ANGPT1: variants seen among roughly 807,000 people sequenced by gnomAD.
ANGPT1 encodes angiopoietin-1.
Under a neutral mutation model 62.2 loss-of-function variants are expected in ANGPT1, and 17 were observed. The observed-to-expected ratio is 0.27, with a 90% confidence interval of 0.19 to 0.41. The LOEUF is 0.41. ANGPT1 is among the 10% of genes least tolerant of loss of function. The pLI, the probability that ANGPT1 is intolerant of heterozygous loss-of-function variation, is 1.00. For missense variants in ANGPT1, 478 were observed against 594.9 expected, an observed-to-expected ratio of 0.80 and a Z score of 2.04; for synonymous variants, 199 against 198.9, an observed-to-expected ratio of 1.00 and a Z score of 0.00.
chr8:107,262,784 A>G (rs561835525), intron 8 of ANGPT1, among the ~76,000 whole-genome samples: 5 of 152,200 alleles, frequency 3.3e-5, no homozygotes, highest in Admixed American at 6.5e-5. Flanking sequence ...TTCTCTTACA[A>G]TTTTGTTTGT....
chr8:107,467,872 G>A (rs1355640493), intron 1 of ANGPT1, among the ~76,000 whole-genome samples: 1 of 152,148 alleles, frequency 6.6e-6, no homozygotes, highest in Non-Finnish European at 1.5e-5. Context: ...AAGTGTGCTA[G>A]TACTTTAAAC....
intron 1 of ANGPT1, among the ~76,000 whole-genome samples, chr8:107,368,171 T>C (rs1816314591): frequency 1.3e-5 from 2 of 152,208 alleles, no homozygotes; most frequent in Admixed American, 6.5e-5. Context: ...GGTTACAGGA[T>C]GGATATTGTG....
chr8:107,389,969 T>C (rs1816804150), intron 1 of ANGPT1, among the ~76,000 whole-genome samples: 1 of 141,368 alleles, frequency 7.1e-6, no homozygotes, highest in Non-Finnish European at 1.5e-5. Flanking sequence ...CAGTAAGCTC[T>C]TTGAGAGCAC....
chr8:107,440,961 C>A (rs186314269), intron 1 of ANGPT1, among the ~76,000 whole-genome samples: 7 of 152,106 alleles, frequency 4.6e-5, no homozygotes, highest in African/African-American at 1.7e-4. Context: ...TTGGATAAAA[C>A]CAAAGGAAAG....
intron 7 of ANGPT1, among the ~76,000 whole-genome samples, chr8:107,271,412 G>C (rs1813731822): frequency 6.6e-6 from 1 of 152,014 alleles, no homozygotes. Context: ...ATATACAGTA[G>C]TTCAATAGGC....
chr8:107,460,161 C>T lies in ANGPT1; in HGVS notation c.297+37101G>A, dbSNP rs146070344. ...TCCAGGGGTCCTAAAAGTAGAATTG[C>T]TCAACATTTCCCAGATGTGGGGATG... On this transcript the variant is annotated intron_variant, in intron 1 of 8. Transcript: ENST00000517746. Among the ~76,000 whole-genome samples, 837 of 152,294 alleles carry T rather than the reference C, an allele frequency of 5.5e-3. 6 individuals are homozygous for T. Among genetic ancestry groups the T allele is most frequent in the African/African-American group, 0.019 (787 of 41,568 alleles).
At chr8:107,387,954 T>C (rs1485188833) in intron 1 of ANGPT1, among the ~76,000 whole-genome samples, 1 of 152,256 alleles carries the variant, frequency 6.6e-6, no homozygotes, top group East Asian at 1.9e-4. Context: ...TGGGAATCTG[T>C]TATATATTTC....
chr8:107,300,248 T>C (rs1032761282), intron 5 of ANGPT1, among the ~76,000 whole-genome samples: 2 of 150,892 alleles, frequency 1.3e-5, no homozygotes, highest in Admixed American at 6.6e-5. Flanking sequence ...ATTTTGTTAA[T>C]CAGCTTGTAA....
At chr8:107,311,492 A>G (rs1053471946) in intron 4 of ANGPT1, among the ~76,000 whole-genome samples, 1 of 152,208 alleles carries the variant, frequency 6.6e-6, no homozygotes, top group African/African-American at 2.4e-5. Flanking sequence ...CCCATGATAT[A>G]TAATTGCAGA....
At chr8:107,359,062 T>C (rs1816107364) in intron 1 of ANGPT1, among the ~76,000 whole-genome samples, 2 of 152,200 alleles carry the variant, frequency 1.3e-5, no homozygotes, top group Admixed American at 1.3e-4. Flanking sequence ...TTGCATGATT[T>C]CTTCATTCTC....
intron 3 of ANGPT1, among the ~76,000 whole-genome samples, chr8:107,335,224 A>G (rs370284665): frequency 1.1e-4 from 17 of 152,182 alleles, no homozygotes; most frequent in Admixed American, 1.1e-3. Flanking sequence ...TCACTTGTAA[A>G]GAACAGAACT....
At chr8:107,432,996 G>A (rs1811234714) in intron 1 of ANGPT1, among the ~76,000 whole-genome samples, 1 of 152,056 alleles carries the variant, frequency 6.6e-6, no homozygotes, top group African/African-American at 2.4e-5. Context: ...AAGCAATGAT[G>A]TCTTGACTTA....
intron 3 of ANGPT1, among the ~76,000 whole-genome samples, chr8:107,329,747 T>C (rs1199007818): frequency 6.6e-6 from 1 of 151,980 alleles, no homozygotes. Context: ...ATTTCCCAGT[T>C]CCTTATTCAT....
At position 107,288,431 on chromosome 8, in the gene ANGPT1, C is replaced by A. The variant is rs1030066337; in HGVS notation, c.1039-3583G>T. ...AAGAGGTAATTTTTAAGGTATTATA[C>A]CATGCTAATAAGTTAATATTTGTAA... On this transcript the variant is annotated intron_variant, in intron 6 of 8. Coordinates refer to ENST00000517746, the MANE Select transcript of ANGPT1 (RefSeq NM_001146.5). 2.6e-5 allele frequency among the ~76,000 whole-genome samples: 4 copies of A among 152,118 alleles called. No individual in the cohort carries two copies. In the East Asian group the frequency reaches 5.8e-4, roughly 22 times the overall value.
At chr8:107,485,317 G>A (rs982553839) in intron 1 of ANGPT1, among the ~76,000 whole-genome samples, 5 of 152,138 alleles carry the variant, frequency 3.3e-5, no homozygotes, top group African/African-American at 7.2e-5. Flanking sequence ...GGTTTACCTC[G>A]CCATGCAAAG....
At chr8:107,282,600 C>A (rs1814043374) in intron 7 of ANGPT1, among the ~76,000 whole-genome samples, 1 of 98,658 alleles carries the variant, frequency 1.0e-5, no homozygotes. Flanking sequence ...ATATATGAGC[C>A]TCAGCTTTCC....
At position 107,322,063 on chromosome 8, in the gene ANGPT1, T is replaced by C. The variant is rs769579405; in HGVS notation, c.641A>G (p.Glu214Gly). The change falls in exon 4 of 9, where the codon GAA becomes GGA. Residue 214 changes from glutamate (E) to glycine (G), a missense_variant. Physicochemically the swap from Glu to Gly is moderately conservative, Grantham distance 98 (BLOSUM62 -2). Coordinates refer to ENST00000517746, the MANE Select transcript of ANGPT1 (RefSeq NM_001146.5). ...CAAGCCTTGAAGGTTCTCTTTCTCT[T>C]CCTTTAAGGTGTCCAACTCTTCCTT... ...KHKEELDTLK[E>G]EKENLQGLVT... The C allele has an allele frequency of 1.2e-6, 2 of 1,613,892 alleles. No homozygotes were observed. The highest frequency in any genetic ancestry group is 1.7e-6 in the Non-Finnish European group (2 of 1,179,916).
At chr8:107,441,699 G>T (rs1811479472) in intron 1 of ANGPT1, among the ~76,000 whole-genome samples, 1 of 152,104 alleles carries the variant, frequency 6.6e-6, no homozygotes, top group Non-Finnish European at 1.5e-5. Flanking sequence ...CGAGTCCTTT[G>T]TGATGACTAA....
At position 107,370,360 on chromosome 8, in the gene ANGPT1, G is replaced by GAAA. The variant is rs1426083192; in HGVS notation, c.298-23266_298-23264dup. Among the ~76,000 whole-genome samples, 205 of 30,146 alleles carry GAAA rather than the reference G, an allele frequency of 6.8e-3. 30 individuals carry two copies. The highest frequency in any genetic ancestry group is 0.02 in the Non-Finnish European group (164 of 8,406). 19.8% of individuals were successfully genotyped at this position (30,146 alleles called of 152,430 possible). A position where few individuals can be genotyped will look rare whatever the true frequency, so the allele number is the denominator to read the frequency against. Reference sequence around the variant, plus strand: ...AAAGAAAAAGAAAGAAAGAAAGAAAGAAAGAAAGAAAGAAAGAAAGAAAGA... The same window carrying GAAA: ...AAAGAAAAAGAAAGAAAGAAAGAAAGAAAAAAGAAAGAAAGAAAGAAAGAAAGA... On this transcript the variant is annotated intron_variant, in intron 1 of 8. Coordinates refer to ENST00000517746, the MANE Select transcript of ANGPT1 (RefSeq NM_001146.5).
Sources: gnomAD v4.1 joint callset for allele counts (sites outside exome capture counted in the v4.1 genomes callset) on GRCh38, gnomAD v4.1.1 for gene constraint, MANE v1.5 for transcripts, NCBI Gene and HGNC (gene_info 2026-07-23, HGNC 2026-07-21) for gene names.